The following ATP11A variants were observed in gnomAD, a reference collection of about 807,000 sequenced individuals.
ATP11A encodes ATPase phospholipid transporting 11A, also known as phospholipid-transporting ATPase IH.
In ATP11A, 81 loss-of-function variants were observed where a neutral mutation model predicts 154.4. That is an observed-to-expected ratio of 0.52 (90% CI 0.44 to 0.63). The LOEUF (loss-of-function observed/expected upper bound fraction) is 0.63. ATP11A is among the 30% of genes least tolerant of loss of function. The probability of loss-of-function intolerance (pLI) is 0.00; values close to 1 mark genes in which losing one functional copy is unlikely to be tolerated. For missense variants in ATP11A, 1,316 were observed against 1,474.3 expected, an observed-to-expected ratio of 0.89 and a Z score of 1.76; for synonymous variants, 623 against 585.9, an observed-to-expected ratio of 1.06 and a Z score of -0.91.
Position 112,819,314 on chromosome 13 carries a change from C to T in ATP11A, c.581C>T (p.Ala194Val), listed in dbSNP as rs778305375. Reference protein sequence around the residue: ...DGESSHKTHYAVQDTKGFHTE... With the variant: ...DGESSHKTHYVVQDTKGFHTE... ...CTTGTGCATTTGTAGACGCATTACG[C>T]GGTCCAGGACACCAAAGGCTTCCAC... The change falls in exon 7 of 30, where the codon GCG becomes GTG. Residue 194 changes from alanine (A) to valine (V), a missense_variant. Ala to Val is a moderately conservative substitution (Grantham distance 64). Transcript: ENST00000375645. The T allele has an allele frequency of 1.2e-5, 19 of 1,614,028 alleles. No individual in the cohort carries two copies. The highest frequency in any genetic ancestry group is 3.3e-5 in the South Asian group (3 of 91,082).
chr13:112,827,816 G>T (rs2078971662), intron 12 of ATP11A, among the ~76,000 whole-genome samples: 2 of 152,250 alleles, frequency 1.3e-5, no homozygotes, highest in African/African-American at 4.8e-5. Flanking sequence ...CTGTGAGGAA[G>T]GCCAACAAAC....
intron 11 of ATP11A, 151 bp from the exon 12 acceptor site, chr13:112,826,543 G>A (rs544228462): frequency 2.6e-4 from 181 of 687,564 alleles, no homozygotes; most frequent in Non-Finnish European, 4.0e-4. Context: ...GCTGCCTTCC[G>A]CCCATAGTCC....
chr13:112,722,826 G>T (rs1695025888), intron 1 of ATP11A, among the ~76,000 whole-genome samples: 1 of 152,224 alleles, frequency 6.6e-6, no homozygotes, highest in Non-Finnish European at 1.5e-5. Flanking sequence ...TTTCAGGGAG[G>T]CAGGAGTCAT....
intron 26 of ATP11A, among the ~76,000 whole-genome samples, chr13:112,872,596 G>A (rs1488332977): frequency 1.3e-5 from 2 of 152,240 alleles, no homozygotes; most frequent in African/African-American, 4.8e-5. Flanking sequence ...GGGCGACAGA[G>A]CGAGACTGTC....
chr13:112,724,173 C>G (rs534096970), intron 1 of ATP11A, among the ~76,000 whole-genome samples: 1 of 141,954 alleles, frequency 7.0e-6, no homozygotes, highest in African/African-American at 2.6e-5. Flanking sequence ...CCTTCTCCCC[C>G]ATCGCCCTCT....
At chr13:112,695,116 C>T (rs1885646901) in intron 1 of ATP11A, among the ~76,000 whole-genome samples, 1 of 152,200 alleles carries the variant, frequency 6.6e-6, no homozygotes, top group South Asian at 2.1e-4. Flanking sequence ...AGTTTCTTTT[C>T]CTAATCCAGG....
rs965276504 is a variant in ATP11A at position 112,838,669 on chromosome 13, A to T, written c.1705+2418A>T. 4.6e-5 allele frequency among the ~76,000 whole-genome samples: 7 copies of T among 152,208 alleles called. No individual in the cohort carries two copies. The highest frequency in any genetic ancestry group is 1.7e-4 in the African/African-American group (7 of 41,464). The stretch of plus-strand genomic sequence containing the variant: ...TGAAGAGCCGCTGGATCACTCGAAG[A>T]ATCCGGGTTGGAGGCATTTGTGCCA... On this transcript the variant is annotated intron_variant, in intron 16 of 29. Coordinates refer to ENST00000375645, the MANE Select transcript of ATP11A (RefSeq NM_015205.3). The surrounding 1 kb of genome is among the most constrained non-coding windows in gnomAD (Gnocchi z 7.3).
intron 1 of ATP11A, among the ~76,000 whole-genome samples, chr13:112,737,925 C>T (rs1328391744): frequency 4.6e-5 from 7 of 152,180 alleles, no homozygotes; most frequent in Admixed American, 3.3e-4. Flanking sequence ...TCATAGTCTC[C>T]TCTGTAGCCT....
At chr13:112,880,125 C>T (rs2080840841) in intron 29 of ATP11A, among the ~76,000 whole-genome samples, 1 of 152,216 alleles carries the variant, frequency 6.6e-6, no homozygotes, top group Admixed American at 6.5e-5. Context: ...TCTGTGAGCA[C>T]GCTGGACTCA....
chr13:112,707,415 C>CAAAA (rs35020608), intron 1 of ATP11A, among the ~76,000 whole-genome samples: 2 of 80,684 alleles, frequency 2.5e-5, no homozygotes, highest in Middle Eastern at 9.8e-3. Flanking sequence ...AATTCTGTCT[C>CAAAA]AAAAAAAAAA....
intron 18 of ATP11A, among the ~76,000 whole-genome samples, chr13:112,852,794 A>T (rs2873374): frequency 2.2e-5 from 3 of 138,810 alleles, no homozygotes; most frequent in South Asian, 2.3e-4. Flanking sequence ...GCGGGGGGGG[A>T]TCTCAGTGGC....
At chr13:112,699,239 A>G (rs1373164424) in intron 1 of ATP11A, among the ~76,000 whole-genome samples, 1 of 152,238 alleles carries the variant, frequency 6.6e-6, no homozygotes, top group Admixed American at 6.5e-5. Context: ...TCAAGGATAA[A>G]GACCACTTAG....
chr13:112,742,635 G>A (rs528794630), intron 1 of ATP11A, among the ~76,000 whole-genome samples: 2 of 152,326 alleles, frequency 1.3e-5, no homozygotes, highest in South Asian at 2.1e-4. Context: ...CCTGTGGAGC[G>A]CAACATCGGC....
intron 1 of ATP11A, among the ~76,000 whole-genome samples, chr13:112,756,328 G>C (rs2076832335): frequency 1.3e-5 from 2 of 152,298 alleles, no homozygotes; most frequent in South Asian, 2.1e-4. Context: ...TTCAGGAAAG[G>C]GGAAAGTGTT....
intron 25 of ATP11A, among the ~76,000 whole-genome samples, chr13:112,869,742 C>T (rs1049194733): frequency 3.3e-5 from 5 of 152,238 alleles, no homozygotes; most frequent in African/African-American, 1.2e-4. Context: ...CTTCCAGTTA[C>T]AGCACAGCAG....
At position 112,707,009 on chromosome 13, in the gene ATP11A, C is replaced by T. The variant is rs954274229; in HGVS notation, c.39+16554C>T. 8.5e-5 allele frequency among the ~76,000 whole-genome samples: 13 copies of T among 152,238 alleles called. No individual in the cohort carries two copies. The East Asian group carries it at 1.7e-3, about 20-fold the overall frequency. ...AGCAAATTCGAGCGATTTTCTTATT[C>T]GAGTTAAGAATGGGTTGTAAAGCAG... is the stretch of plus-strand genomic sequence containing the variant. On this transcript the variant is annotated intron_variant, in intron 1 of 29. Coordinates refer to ENST00000375645, the MANE Select transcript of ATP11A (RefSeq NM_015205.3).
At position 112,785,276 on chromosome 13, in the gene ATP11A, G is replaced by C; in HGVS notation, c.162+19G>C. 1 of 1,484,410 alleles carries C rather than the reference G, an allele frequency of 6.7e-7. No homozygotes were observed. The highest frequency in any genetic ancestry group is 9.0e-7 in the Non-Finnish European group (1 of 1,114,544). The allele number at this position is 1,484,410 out of a possible 1,614,324, so 92.0% of individuals were successfully genotyped here. On this transcript the variant is annotated intron_variant, in intron 2 of 29. Transcript: ENST00000375645. The surrounding 1 kb of genome is among the most constrained non-coding windows in gnomAD (Gnocchi z 4.8). ...GTCCAAGGTAACTTGGCTTGGGTCT[G>C]AGTGTCCATAATGTGTCTAAAAAGC...
chr13:112,762,501 G>C (rs1037911005), intron 1 of ATP11A, among the ~76,000 whole-genome samples: 1 of 151,952 alleles, frequency 6.6e-6, no homozygotes, highest in Non-Finnish European at 1.5e-5. Context: ...CTTCAGTCCC[G>C]GCCGTGGTTC....
At chr13:112,834,938 A>G (rs553092105) in intron 15 of ATP11A, among the ~76,000 whole-genome samples, 1 of 152,302 alleles carries the variant, frequency 6.6e-6, no homozygotes, top group South Asian at 2.1e-4. Flanking sequence ...ACTGTCAAAT[A>G]TGTTTTGGGT....
Sources: gnomAD v4.1 joint callset for allele counts (sites outside exome capture counted in the v4.1 genomes callset) on GRCh38, gnomAD v4.1.1 for gene constraint, Gnocchi (gnomAD v3.1) non-coding constraint, MANE v1.5 for transcripts, NCBI Gene and HGNC (gene_info 2026-07-23, HGNC 2026-07-21) for gene names.